The following KRABD4 variants were observed in gnomAD, a reference collection of about 807,000 sequenced individuals.
KRABD4 encodes KRAB domain containing 4.
chrX:46,474,166 A>G, the KRABD4 span: 3 of 111,907 alleles, frequency 2.7e-5, no homozygotes, highest in Non-Finnish European at 5.6e-5. Context: ...CTTAAAGTGA[A>G]ATGGTTAAAG....
the KRABD4 span, chrX:46,455,540 A>G: frequency 2.3e-6 from 1 of 443,433 alleles, no homozygotes; most frequent in Admixed American, 3.1e-5. Context: ...AATTGTTGCT[A>G]GTTTAAACAT....
At chrX:46,456,034 C>G in the KRABD4 span, 1 of 357,540 alleles carries the variant, frequency 2.8e-6, no homozygotes, top group South Asian at 2.8e-5. Flanking sequence ...TAGGTGCTTC[C>G]TCTTCTGAAA....
chrX:46,473,629 C>T, the KRABD4 span: 1 of 342,683 alleles, frequency 2.9e-6, no homozygotes, highest in South Asian at 6.4e-5. Context: ...CCTGCTCTTT[C>T]CTGCTCAGGA....
chrX:46,469,937 A>G, the KRABD4 span, among the ~76,000 whole-genome samples: 35 of 111,338 alleles, frequency 3.1e-4, no homozygotes, highest in East Asian at 9.2e-3. Flanking sequence ...TTTATGGATC[A>G]GTTCCTATGA....
At chrX:46,454,292 G>T in the KRABD4 span, 2 of 132,558 alleles carry the variant, frequency 1.5e-5, no homozygotes, top group South Asian at 2.3e-4. Context: ...GAGATGGAGG[G>T]GTAGTGGCCA....
chrX:46,473,495 A>C, the KRABD4 span: 8 of 834,388 alleles, frequency 9.6e-6, no homozygotes, highest in Non-Finnish European at 1.3e-5. Context: ...ATATGGGAGA[A>C]ACCTTATGAA....
the KRABD4 span, among the ~76,000 whole-genome samples, chrX:46,452,334 G>T: frequency 9.5e-6 from 1 of 105,036 alleles, no homozygotes; most frequent in Non-Finnish European, 1.9e-5. Context: ...CTACACCAGG[G>T]TTTCTTAGTG....
chrX:46,462,993 G>C, the KRABD4 span: 356 of 1,111,934 alleles, frequency 3.2e-4, 3 homozygotes, highest in South Asian at 7.0e-3. Flanking sequence ...CAGTGAGTTT[G>C]GGTTACTGCC....
the KRABD4 span, chrX:46,473,587 A>G: frequency 4.3e-6 from 2 of 465,593 alleles, no homozygotes; most frequent in East Asian, 4.0e-5. Context: ...GTTGCATGCT[A>G]TTGTGAATAG....
the KRABD4 span, among the ~76,000 whole-genome samples, chrX:46,450,746 A>G: frequency 1.1e-5 from 1 of 94,432 alleles, no homozygotes; most frequent in Non-Finnish European, 2.0e-5. Context: ...TCTATCACCC[A>G]GGCTGGAGTG....
chrX:46,471,145 T>C, the KRABD4 span: 1 of 1,164,001 alleles, frequency 8.6e-7, no homozygotes, highest in Non-Finnish European at 1.1e-6. Flanking sequence ...CTTTCAGATG[T>C]ATCCATTTTT....
chrX:46,467,601 A>T, the KRABD4 span, among the ~76,000 whole-genome samples: 1 of 111,548 alleles, frequency 9.0e-6, no homozygotes, highest in African/African-American at 3.3e-5. Context: ...ACTGTTTTCT[A>T]GTGTGGCTGT....
chrX:46,472,820 A>C, the KRABD4 span: 1 of 1,211,887 alleles, frequency 8.3e-7, no homozygotes, highest in Non-Finnish European at 1.1e-6. Flanking sequence ...GGCAAGCTGC[A>C]TTCATAGGCA....
chrX:46,447,354 G>A, the KRABD4 span: 1 of 110,805 alleles, frequency 9.0e-6, no homozygotes, highest in Non-Finnish European at 1.9e-5. Context: ...GAAGTAAGAG[G>A]GACGCGGAGG....
At chrX:46,474,074 C>G in the KRABD4 span, 1 of 111,969 alleles carries the variant, frequency 8.9e-6, no homozygotes, top group Non-Finnish European at 1.9e-5. Flanking sequence ...TTAAAGCTAC[C>G]CTTATTGTAT....
the KRABD4 span, among the ~76,000 whole-genome samples, chrX:46,465,634 A>G: frequency 8.9e-6 from 1 of 112,391 alleles, no homozygotes; most frequent in East Asian, 2.8e-4. Flanking sequence ...TGTGGTTGTT[A>G]ACCAGAGATG....
the KRABD4 span, chrX:46,456,083 G>T: frequency 5.8e-6 from 2 of 346,952 alleles, no homozygotes; most frequent in South Asian, 2.9e-5. Context: ...CTCCTTAAAA[G>T]GCACGACACA....
chrX:46,463,379 C>T, the KRABD4 span: 63 of 941,285 alleles, frequency 6.7e-5, no homozygotes, highest in South Asian at 6.4e-4. Flanking sequence ...GCTCAGGAGC[C>T]CTTCTCAGAG....
At chrX:46,462,434 C>T in the KRABD4 span, 27 of 248,541 alleles carry the variant, frequency 1.1e-4, no homozygotes, top group African/African-American at 4.9e-4. Context: ...CGCTTGAACC[C>T]GGGAGGCAGA....
Sources: gnomAD v4.1 joint callset for allele counts (sites outside exome capture counted in the v4.1 genomes callset) on GRCh38, gnomAD v4.1.1 for gene constraint, MANE v1.5 for transcripts, NCBI Gene and HGNC (gene_info 2026-07-23, HGNC 2026-07-21) for gene names.